MICU3: variants seen among roughly 807,000 people sequenced by gnomAD.
MICU3 encodes calcium uptake protein 3, mitochondrial.
MICU3 carries 62 observed loss-of-function variants against 66.5 expected under a neutral mutation model. The observed-to-expected ratio is 0.93, with a 90% confidence interval of 0.76 to 1.15. The LOEUF (loss-of-function observed/expected upper bound fraction) is 1.15. Among genes scored for constraint, MICU3 ranks in the 50% most tolerant of loss-of-function variants. The pLI, the probability that MICU3 is intolerant of heterozygous loss-of-function variation, is 0.00. For synonymous variants in MICU3, 308 were observed against 240.7 expected (o/e 1.28, Z -2.59); for missense variants, 779 against 664.4 (o/e 1.17, Z -1.90).
chr8:17,137,501 C>T, the MICU3 span, among the ~76,000 whole-genome samples: 1 of 142,382 alleles, frequency 7.0e-6, no homozygotes, highest in African/African-American at 2.6e-5. Context: ...CCTTAAACCA[C>T]ACTATTTCCT....
intron 1 of MICU3, among the ~76,000 whole-genome samples, chr8:17,041,935 G>A (rs1424311656): frequency 1.7e-4 from 26 of 152,116 alleles, no homozygotes; most frequent in Admixed American, 1.7e-3. Flanking sequence ...CTATGATAGA[G>A]GTTTGGGGGA....
the MICU3 span, among the ~76,000 whole-genome samples, chr8:17,127,881 G>T: frequency 7.3e-6 from 1 of 137,906 alleles, no homozygotes; most frequent in African/African-American, 3.1e-5. Flanking sequence ...AACAAAAAAG[G>T]GGTAAAAATA....
intron 1 of MICU3, among the ~76,000 whole-genome samples, chr8:17,060,954 G>C (rs190725055): frequency 3.2e-4 from 49 of 152,120 alleles, no homozygotes; most frequent in Non-Finnish European, 5.3e-4. Flanking sequence ...GAGTGGATTC[G>C]TAAAGTGGAG....
intron 8 of MICU3, among the ~76,000 whole-genome samples, chr8:17,091,243 C>A (rs1489150429): frequency 6.6e-6 from 1 of 152,046 alleles, no homozygotes; most frequent in Non-Finnish European, 1.5e-5. Flanking sequence ...TTTCTTCTTT[C>A]TTTTCTCCTG....
intron 1 of MICU3, among the ~76,000 whole-genome samples, chr8:17,047,644 C>T (rs1035047915): frequency 6.6e-6 from 1 of 152,162 alleles, no homozygotes; most frequent in Non-Finnish European, 1.5e-5. Context: ...TCGCAACAGA[C>T]AGAAGCCAGA....
At chr8:17,133,944 T>C in the MICU3 span, among the ~76,000 whole-genome samples, 13 of 152,234 alleles carry the variant, frequency 8.5e-5, no homozygotes, top group Non-Finnish European at 1.0e-4. Flanking sequence ...TGTTAGACTA[T>C]TTTGTAAGAC....
chr8:17,064,275 AT>A (rs754028380), intron 2 of MICU3, 38 bp downstream of exon 2: 8 of 1,531,850 alleles, frequency 5.2e-6, no homozygotes, highest in East Asian at 2.3e-5. Flanking sequence ...TAATTGTATA[AT>A]TTTTTTATCT....
intron 1 of MICU3, among the ~76,000 whole-genome samples, chr8:17,051,000 T>A (rs1047923164): frequency 1.3e-5 from 2 of 152,180 alleles, no homozygotes; most frequent in African/African-American, 4.8e-5. Context: ...CTCGAGTAGT[T>A]TGAAAGTCAT....
chr8:17,062,123 A>G (rs1365737553), intron 1 of MICU3, among the ~76,000 whole-genome samples: 1 of 152,124 alleles, frequency 6.6e-6, no homozygotes, highest in African/African-American at 2.4e-5. Context: ...TCCTTTTACT[A>G]CACTTCTCCA....
At chr8:17,090,107 C>G (rs1029856188) in intron 7 of MICU3, among the ~76,000 whole-genome samples, 1 of 152,006 alleles carries the variant, frequency 6.6e-6, no homozygotes, top group Non-Finnish European at 1.5e-5. Flanking sequence ...TAGAGAGATT[C>G]ATGTGCCTAA....
chr8:17,057,600 T>C lies in MICU3; in HGVS notation c.382-6484T>C, dbSNP rs536144554. ...CTGTAGAAATTAAGAATTTTTCTTATATAATTGCTTTATTCTATAACTCCT... is the reference window on the plus strand; with the variant it reads ...CTGTAGAAATTAAGAATTTTTCTTACATAATTGCTTTATTCTATAACTCCT... On this transcript the variant is annotated intron_variant, in intron 1 of 14. Coordinates refer to ENST00000318063, the MANE Select transcript of MICU3 (RefSeq NM_181723.3). 2.0e-5 allele frequency among the ~76,000 whole-genome samples: 3 copies of C among 152,296 alleles called. No homozygotes were observed. The East Asian group carries it at 5.8e-4, about 29-fold the overall frequency.
chr8:17,047,522 T>C (rs1052657410), intron 1 of MICU3, among the ~76,000 whole-genome samples: 7 of 152,198 alleles, frequency 4.6e-5, no homozygotes, highest in African/African-American at 1.7e-4. Context: ...CTGAGCAAGA[T>C]CAATAAAAAT....
chr8:17,049,740 G>T (rs907617972), intron 1 of MICU3: 1 of 483,762 alleles, frequency 2.1e-6, no homozygotes, highest in African/African-American at 2.0e-5. Context: ...TTTGCTGCCT[G>T]TGTGACCCTG....
intron 11 of MICU3, among the ~76,000 whole-genome samples, chr8:17,110,647 C>A (rs148912332): frequency 1.6e-4 from 25 of 152,130 alleles, no homozygotes; most frequent in Middle Eastern, 6.8e-3. Flanking sequence ...CACTGTAGCC[C>A]CGAACTCCTT....
rs1332745638 is a variant in MICU3, at chr8:17,122,052, A to T, written c.*1765A>T. On this transcript the variant is annotated 3_prime_UTR_variant, in exon 15 of 15. Coordinates refer to ENST00000318063, the MANE Select transcript of MICU3 (RefSeq NM_181723.3). ...TACATGGCAAATCCTGCAAATATAG[A>T]TTAAAAATTAAATTAGCCCATTGAA... 1 of 151,894 alleles carries T rather than the reference A, an allele frequency of 6.6e-6. No homozygotes were observed. Among genetic ancestry groups the T allele is most frequent in the Non-Finnish European group, 1.5e-5 (1 of 67,776 alleles). The allele number at this position is 151,894 out of a possible 1,614,324, so 9.4% of individuals were successfully genotyped here. A position where few individuals can be genotyped will look rare whatever the true frequency, so the allele number is the denominator to read the frequency against.
At chr8:17,079,881 A>G (rs979612735) in intron 4 of MICU3, among the ~76,000 whole-genome samples, 6 of 152,190 alleles carry the variant, frequency 3.9e-5, no homozygotes, top group East Asian at 3.8e-4. Context: ...AAAAAAATTG[A>G]TATGCATTCA....
intron 8 of MICU3, 107 bp from the exon 9 acceptor site, chr8:17,098,351 A>C: frequency 1.3e-6 from 1 of 795,360 alleles, no homozygotes. Context: ...AAAAAAAGGT[A>C]AGCTAATGTG....
At chr8:17,115,139 A>C (rs1301655671) in intron 12 of MICU3, among the ~76,000 whole-genome samples, 6 of 149,854 alleles carry the variant, frequency 4.0e-5, no homozygotes, top group Non-Finnish European at 8.9e-5. Flanking sequence ...AAAAAACCCC[A>C]GAGGACAGGC....
intron 1 of MICU3, among the ~76,000 whole-genome samples, chr8:17,041,008 G>A (rs1166146296): frequency 1.3e-5 from 2 of 152,200 alleles, no homozygotes; most frequent in African/African-American, 4.8e-5. Flanking sequence ...TTGTACAATA[G>A]ATCAAGGTGT....
Sources: gnomAD v4.1 joint callset for allele counts (sites outside exome capture counted in the v4.1 genomes callset) on GRCh38, gnomAD v4.1.1 for gene constraint, MANE v1.5 for transcripts, NCBI Gene and HGNC (gene_info 2026-07-23, HGNC 2026-07-21) for gene names.